The following CWH43 variants were observed in gnomAD, a reference collection of about 807,000 sequenced individuals.
CWH43 encodes PGAP2-interacting protein.
Under a neutral mutation model 85.7 loss-of-function variants are expected in CWH43, and 91 were observed. The observed-to-expected ratio is 1.06, with a 90% CI of 0.90 to 1.26. The LOEUF is 1.26. CWH43 is among the 50% of genes most tolerant of loss of function. CWH43 has a pLI of 0.00. For missense variants in CWH43, 869 were observed against 839.2 expected (o/e 1.04, Z -0.44); for synonymous variants, 323 against 293.6 (o/e 1.10, Z -1.02).
rs769560296 is a variant in CWH43, at chr4:48,998,490, A to G, written c.744A>G (p.Gly248=). 1 of 1,613,906 alleles carries G rather than the reference A, an allele frequency of 6.2e-7. No individual in the cohort carries two copies. Among genetic ancestry groups the G allele is most frequent in the Non-Finnish European group, 8.5e-7 (1 of 1,179,868 alleles). The change falls in exon 6 of 16, where the codon GGA becomes GGG. Residue 248 remains glycine (G), a synonymous_variant. Transcript: ENST00000226432. Reference sequence around the variant, plus strand: ...CAGTACTGCTGTGCTTGGCAAGTGGATTGATGCTTCCATCTTGTTTGTGGT... The same window carrying G: ...CAGTACTGCTGTGCTTGGCAAGTGGGTTGATGCTTCCATCTTGTTTGTGGT... The part of the protein sequence containing the change: ...GGAVLLCLAS[G]LMLPSCLWFR...
chr4:49,042,593 G>A (rs1180252305), intron 13 of CWH43, among the ~76,000 whole-genome samples: 1 of 152,140 alleles, frequency 6.6e-6, no homozygotes, highest in Non-Finnish European at 1.5e-5. Flanking sequence ...ATGTAGGGAA[G>A]CGTTGAAGCC....
chr4:49,041,604 G>A (rs550649079), intron 13 of CWH43, among the ~76,000 whole-genome samples: 40 of 152,304 alleles, frequency 2.6e-4, no homozygotes, highest in African/African-American at 9.6e-4. Flanking sequence ...TGTATCCTGA[G>A]ACTTTGCTGA....
intron 13 of CWH43, among the ~76,000 whole-genome samples, chr4:49,041,009 C>T (rs969788784): frequency 5.9e-5 from 9 of 152,112 alleles, no homozygotes; most frequent in Non-Finnish European, 1.2e-4. Flanking sequence ...GAATCCTTTC[C>T]CCATGGCTTG....
At position 49,032,659 on chromosome 4, in the gene CWH43, C is replaced by A; in HGVS notation, c.1602C>A (p.Thr534=). The A allele has an allele frequency of 1.2e-6, 2 of 1,614,102 alleles. No individual in the cohort carries two copies. The highest frequency in any genetic ancestry group is 1.7e-6 in the Non-Finnish European group (2 of 1,179,966). Residue 534 remains threonine, a synonymous_variant, in exon 12 of 16, where the codon ACC becomes ACA. Coordinates refer to ENST00000226432, the MANE Select transcript of CWH43 (RefSeq NM_025087.3). The part of the protein sequence containing the change: ...EGEIAPAITL[T]VNISGKLVDF... ...AGATCGCACCAGCCATCACATTGAC[C>A]GTTAACATTTCGGGCAAGCTGGTGG...
intron 15 of CWH43, 116 bp from the exon 16 acceptor site, chr4:49,061,696 C>T: frequency 1.1e-6 from 1 of 946,286 alleles, no homozygotes. Context: ...ATGCATGAAT[C>T]TTTTTTATTT....
intron 9 of CWH43, among the ~76,000 whole-genome samples, chr4:49,026,026 C>G (rs201577695): frequency 1.3e-5 from 2 of 152,312 alleles, no homozygotes; most frequent in East Asian, 3.9e-4. Flanking sequence ...CCGGCTGTAG[C>G]TGCTGTGGGA....
intron 8 of CWH43, among the ~76,000 whole-genome samples, chr4:49,011,169 G>T (rs1290632132): frequency 6.6e-6 from 1 of 152,122 alleles, no homozygotes; most frequent in African/African-American, 2.4e-5. Flanking sequence ...CCTGTATTAG[G>T]TGCATATATA....
At chr4:48,996,345 C>T (rs946915813) in intron 5 of CWH43, among the ~76,000 whole-genome samples, 1 of 151,762 alleles carries the variant, frequency 6.6e-6, no homozygotes, top group Non-Finnish European at 1.5e-5. Flanking sequence ...ATATATGTAT[C>T]TGTTAGAAAC....
At chr4:49,031,881 A>G (rs1355310657) in intron 11 of CWH43, among the ~76,000 whole-genome samples, 2 of 152,202 alleles carry the variant, frequency 1.3e-5, no homozygotes, top group Non-Finnish European at 1.5e-5. Flanking sequence ...CTTTAATGGA[A>G]TGGGAACCAT....
At chr4:49,059,785 G>C (rs1214249149) in intron 15 of CWH43, among the ~76,000 whole-genome samples, 1 of 152,134 alleles carries the variant, frequency 6.6e-6, no homozygotes, top group Admixed American at 6.5e-5. Context: ...CCTGGAGCCT[G>C]TGTCAATAGG....
chr4:49,032,213 T>A (rs530843961), intron 11 of CWH43, among the ~76,000 whole-genome samples: 2 of 152,352 alleles, frequency 1.3e-5, no homozygotes, highest in South Asian at 4.1e-4. Flanking sequence ...CTGGCAAGAT[T>A]GTACCTTCCC....
At chr4:49,008,388 T>C (rs918788537) in intron 8 of CWH43, among the ~76,000 whole-genome samples, 2 of 144,990 alleles carry the variant, frequency 1.4e-5, no homozygotes, top group African/African-American at 2.5e-5. Context: ...CTTTGTCACA[T>C]GGATAGATTG....
intron 8 of CWH43, among the ~76,000 whole-genome samples, chr4:49,014,361 G>A (rs1396018058): frequency 6.6e-6 from 1 of 151,682 alleles, no homozygotes; most frequent in Non-Finnish European, 1.5e-5. Flanking sequence ...TAGGGAGGGC[G>A]AGGGTGAAGT....
intron 8 of CWH43, among the ~76,000 whole-genome samples, chr4:49,011,035 A>G (rs1408032044): frequency 2.6e-5 from 4 of 152,088 alleles, no homozygotes; most frequent in Admixed American, 2.6e-4. Context: ...TATCCTTGTT[A>G]ACCTTCTGTC....
intron 6 of CWH43, among the ~76,000 whole-genome samples, chr4:49,000,240 C>T (rs1782946936): frequency 6.6e-6 from 1 of 152,148 alleles, no homozygotes; most frequent in Non-Finnish European, 1.5e-5. Flanking sequence ...AAGTGAATTT[C>T]TGTACACCGT....
chr4:48,992,140 T>A lies in CWH43; in HGVS notation c.511+50T>A. ...CTCTTTGCAGAGCTTACCTTTCCTA[T>A]GTGAATGTTGCACATCTTGGAAAGA... On this transcript the variant is annotated intron_variant, in intron 4 of 15. Transcript: ENST00000226432. The surrounding 1 kb of genome is among the most constrained non-coding windows in gnomAD (Gnocchi z 4.3). 6.9e-7 allele frequency: 1 copy of A among 1,447,176 alleles called. No homozygotes were observed. Among genetic ancestry groups the A allele is most frequent in the Middle Eastern group, 1.8e-4 (1 of 5,530 alleles). The allele number at this position is 1,447,176 out of a possible 1,614,324, so 89.6% of individuals were successfully genotyped here.
chr4:48,992,700 G>T lies in CWH43; in HGVS notation c.511+610G>T, dbSNP rs1397051772. 2.0e-5 allele frequency among the ~76,000 whole-genome samples: 3 copies of T among 152,156 alleles called. No individual in the cohort carries two copies. Among genetic ancestry groups the T allele is most frequent in the Admixed American group, 2.0e-4 (3 of 15,276 alleles). The stretch of plus-strand genomic sequence containing the variant: ...CAACCCGAGACTCTTCTAAAAAGAA[G>T]GGAGAGGTATTAGTGGATTCTAGTT... On this transcript the variant is annotated intron_variant, in intron 4 of 15. Transcript: ENST00000226432. The surrounding 1 kb of genome is among the most constrained non-coding windows in gnomAD (Gnocchi z 4.3).
At chr4:49,042,190 G>A (rs1784483747) in intron 13 of CWH43, among the ~76,000 whole-genome samples, 1 of 152,170 alleles carries the variant, frequency 6.6e-6, no homozygotes, top group Admixed American at 6.5e-5. Flanking sequence ...CTCAGTAGAT[G>A]AGTCACAGGT....
intron 9 of CWH43, among the ~76,000 whole-genome samples, 158 bp from the exon 10 acceptor site, chr4:49,028,471 A>G (rs1307156595): frequency 6.6e-6 from 1 of 152,260 alleles, no homozygotes; most frequent in Non-Finnish European, 1.5e-5. Context: ...GCCATATAGC[A>G]AATATCTCCT....
Sources: allele counts gnomAD v4.1 joint callset (sites outside exome capture counted in the v4.1 genomes callset), GRCh38; gene constraint gnomAD v4.1.1; non-coding constraint Gnocchi (gnomAD v3.1); transcripts MANE v1.5; gene names NCBI Gene and HGNC (gene_info 2026-07-23, HGNC 2026-07-21).